TENM3: variants seen among roughly 807,000 people sequenced by gnomAD.
TENM3 encodes teneurin-3.
Under a neutral mutation model 255.1 loss-of-function variants are expected in TENM3, and 63 were observed. The ratio of observed to expected loss-of-function variants is 0.25; its 90% CI spans 0.20 to 0.30. TENM3 has a LOEUF of 0.30. TENM3 is among the 10% of genes least tolerant of loss of function. The probability of loss-of-function intolerance (pLI) is 1.00; values close to 1 mark genes in which losing one functional copy is unlikely to be tolerated. For synonymous variants in TENM3, 1,306 were observed against 1,322.3 expected (o/e 0.99, Z 0.27); for missense variants, 2,929 against 3,461.1 (o/e 0.85, Z 3.86).
chr4:182,156,015 T>A (rs1037637426), intron 1 of TENM3, among the ~76,000 whole-genome samples: 2 of 148,054 alleles, frequency 1.4e-5, no homozygotes, highest in Non-Finnish European at 3.0e-5. Flanking sequence ...TTGAGGATTT[T>A]TTTTTTTTTT....
the TENM3 span, among the ~76,000 whole-genome samples, chr4:181,822,200 A>C: frequency 6.6e-6 from 1 of 152,150 alleles, no homozygotes; most frequent in African/African-American, 2.4e-5. Context: ...ATTGCTTGTC[A>C]GTAGAAATTT....
the TENM3 span, among the ~76,000 whole-genome samples, chr4:181,560,215 T>G: frequency 1.4e-5 from 1 of 72,544 alleles, no homozygotes; most frequent in Non-Finnish European, 4.2e-5. Flanking sequence ...CACTGTGGCT[T>G]CACATGGCAG....
At chr4:181,595,584 T>C in the TENM3 span, among the ~76,000 whole-genome samples, 2 of 152,028 alleles carry the variant, frequency 1.3e-5, no homozygotes, top group African/African-American at 4.8e-5. Flanking sequence ...TCAGGCATAA[T>C]GAACCAAAAA....
intron 3 of TENM3, among the ~76,000 whole-genome samples, chr4:182,467,304 A>G (rs1017540634): frequency 6.6e-6 from 1 of 152,174 alleles, no homozygotes; most frequent in Non-Finnish European, 1.5e-5. Context: ...GAGAAATGAT[A>G]TAAGTGAACT....
At chr4:182,664,277 T>C (rs1266461385) in intron 6 of TENM3, among the ~76,000 whole-genome samples, 1 of 152,230 alleles carries the variant, frequency 6.6e-6, no homozygotes, top group African/African-American at 2.4e-5. Flanking sequence ...TTATTAGATC[T>C]GTTACAGTGA....
chr4:182,206,155 C>T (rs935300073), intron 1 of TENM3, among the ~76,000 whole-genome samples: 5 of 152,058 alleles, frequency 3.3e-5, no homozygotes, highest in African/African-American at 1.2e-4. Context: ...AAAATGTTGC[C>T]TCGGAAAACA....
chr4:182,783,074 A>G (rs1355190277), intron 24 of TENM3, among the ~76,000 whole-genome samples: 355 of 149,690 alleles, frequency 2.4e-3, no homozygotes, highest in African/African-American at 8.1e-3. Flanking sequence ...TAATATTGTT[A>G]TGTGTGAATT....
At chr4:181,685,985 G>T in the TENM3 span, among the ~76,000 whole-genome samples, 290 of 152,232 alleles carry the variant, frequency 1.9e-3, no homozygotes, top group African/African-American at 6.5e-3. Flanking sequence ...GCCATCGAAG[G>T]TGTTTTTGTA....
chr4:181,836,720 A>T, the TENM3 span, among the ~76,000 whole-genome samples: 2 of 152,140 alleles, frequency 1.3e-5, no homozygotes, highest in African/African-American at 4.8e-5. Flanking sequence ...TGTTCTTCTG[A>T]ACAATTTCTT....
intron 5 of TENM3, among the ~76,000 whole-genome samples, chr4:182,636,196 G>T (rs1751825118): frequency 6.6e-6 from 1 of 151,970 alleles, no homozygotes; most frequent in South Asian, 2.1e-4. Context: ...CACATTGTAG[G>T]AAAAAATGTG....
At chr4:181,725,633 G>A in the TENM3 span, among the ~76,000 whole-genome samples, 17 of 151,580 alleles carry the variant, frequency 1.1e-4, no homozygotes, top group African/African-American at 2.2e-4. Context: ...TAGTAGAGAC[G>A]GAGTTTCACT....
rs1275404550 is a variant in TENM3, at chr4:182,800,361, C to T, written c.*10C>T. 6.6e-7 allele frequency: 1 copy of T among 1,504,886 alleles called. No individual in the cohort carries two copies. 93.2% of individuals were successfully genotyped at this position (1,504,886 alleles called of 1,614,324 possible). ...GATCGGCAGGAGGTAACGCCCGGGC[C>T]GCGCCCGCCGAGCCGCTCACGCCCT... On this transcript the variant is annotated 3_prime_UTR_variant, in exon 28 of 28. Coordinates refer to ENST00000511685, the MANE Select transcript of TENM3 (RefSeq NM_001080477.4).
the TENM3 span, among the ~76,000 whole-genome samples, chr4:181,633,548 GA>G: frequency 6.6e-6 from 1 of 152,064 alleles, no homozygotes. Flanking sequence ...AAATGACCCT[GA>G]GCCTTAAATG....
At chr4:182,624,503 A>T (rs1415652187) in intron 4 of TENM3, among the ~76,000 whole-genome samples, 1 of 152,118 alleles carries the variant, frequency 6.6e-6, no homozygotes, top group African/African-American at 2.4e-5. Context: ...CTTCCCCAGA[A>T]TGCCACTCAC....
At chr4:182,367,892 G>A (rs1012982195) in intron 3 of TENM3, among the ~76,000 whole-genome samples, 1 of 152,098 alleles carries the variant, frequency 6.6e-6, no homozygotes, top group Admixed American at 6.6e-5. Context: ...GGATGGAAAA[G>A]TTATTTTTCC....
the TENM3 span, among the ~76,000 whole-genome samples, chr4:182,024,709 G>A: frequency 1.0e-3 from 158 of 152,050 alleles, no homozygotes; most frequent in African/African-American, 3.2e-3. Context: ...AATTATACTC[G>A]TTATTTTAAA....
At chr4:182,497,878 A>ATATATATT (rs1446346027) in intron 3 of TENM3, among the ~76,000 whole-genome samples, 2 of 143,000 alleles carry the variant, frequency 1.4e-5, no homozygotes, top group African/African-American at 5.4e-5. Flanking sequence ...ATATATATAT[A>ATATATATT]TATATCTCAA....
the TENM3 span, among the ~76,000 whole-genome samples, chr4:181,492,426 A>G: frequency 1.3e-3 from 205 of 152,356 alleles, 1 homozygote; most frequent in Non-Finnish European, 2.2e-3. Context: ...AGAAACATAA[A>G]TGAAATATAT....
intron 6 of TENM3, among the ~76,000 whole-genome samples, chr4:182,668,803 T>C (rs1008369771): frequency 2.6e-5 from 4 of 152,176 alleles, no homozygotes; most frequent in African/African-American, 9.7e-5. Context: ...CCGGAAACCC[T>C]AGAAATCAGA....
Sources: allele counts gnomAD v4.1 joint callset (sites outside exome capture counted in the v4.1 genomes callset), GRCh38; gene constraint gnomAD v4.1.1; transcripts MANE v1.5; gene names NCBI Gene and HGNC (gene_info 2026-07-23, HGNC 2026-07-21).